The following PRKCI variants were observed in gnomAD, a reference collection of about 807,000 sequenced individuals.
PRKCI encodes the protein protein kinase C iota type.
A neutral mutation model predicts 84.0 loss-of-function variants in PRKCI; 43 were observed. That is an observed-to-expected ratio of 0.51 (90% CI 0.40 to 0.66). The LOEUF (loss-of-function observed/expected upper bound fraction) is 0.66. Ranked by LOEUF, PRKCI falls within the 30% of genes least tolerant of loss-of-function variation. PRKCI has a pLI of 0.00. For missense variants in PRKCI, 459 were observed against 745.6 expected (o/e 0.62, Z 4.48); for synonymous variants, 216 against 234.4 (o/e 0.92, Z 0.72).
At chr3:170,249,351 C>G (rs1733375593) in intron 2 of PRKCI, among the ~76,000 whole-genome samples, 2 of 151,894 alleles carry the variant, frequency 1.3e-5, no homozygotes, top group South Asian at 4.2e-4. Context: ...AGCCAGGATG[C>G]TTATAAAACA....
chr3:170,224,420 A>G (rs1165672502), intron 1 of PRKCI, among the ~76,000 whole-genome samples: 1 of 151,362 alleles, frequency 6.6e-6, no homozygotes, highest in Non-Finnish European at 1.5e-5. Flanking sequence ...ATGGTCAGCC[A>G]TGAACTTTGC....
Position 170,256,049 on chromosome 3 carries a change from G to A in PRKCI, c.224-3920G>A, listed in dbSNP as rs35088166. ...CAAATTCCAGTTGGTCATGATGAAT[G>A]ATCTTTTTAATGTGTTGTTGAATTC... On this transcript the variant is annotated intron_variant, in intron 2 of 17. Coordinates refer to ENST00000295797, the MANE Select transcript of PRKCI (RefSeq NM_002740.6). Among the ~76,000 whole-genome samples the A allele has an allele frequency of 5.6e-3, 859 of 152,170 alleles. 1 individual carries two copies. Among genetic ancestry groups the A allele is most frequent in the Non-Finnish European group, 8.6e-3 (583 of 68,010 alleles).
At chr3:170,279,103 C>CT (rs1218077039) in intron 8 of PRKCI, among the ~76,000 whole-genome samples, 1 of 152,206 alleles carries the variant, frequency 6.6e-6, no homozygotes, top group Admixed American at 6.5e-5. Flanking sequence ...TCACAGCTCA[C>CT]TGCAACCTTG....
intron 4 of PRKCI, among the ~76,000 whole-genome samples, chr3:170,264,367 C>T (rs949116702): frequency 2.0e-5 from 3 of 152,208 alleles, no homozygotes; most frequent in Non-Finnish European, 4.4e-5. Flanking sequence ...GCAACCTTCA[C>T]CTCTGGGGTT....
At chr3:170,235,453 C>G (rs1732945445) in intron 2 of PRKCI, 102 bp downstream of exon 2, 1 of 1,258,088 alleles carries the variant, frequency 7.9e-7, no homozygotes, top group African/African-American at 1.5e-5. Context: ...AGAGGAAAGA[C>G]TATTAGAAAT....
intron 4 of PRKCI, among the ~76,000 whole-genome samples, chr3:170,266,111 A>G (rs1257319806): frequency 6.6e-6 from 1 of 152,182 alleles, no homozygotes; most frequent in Non-Finnish European, 1.5e-5. Context: ...GGATGTTATT[A>G]TTAATGACTA....
chr3:170,290,148 A>G (rs559773205), intron 12 of PRKCI, among the ~76,000 whole-genome samples: 6 of 151,836 alleles, frequency 4.0e-5, no homozygotes, highest in South Asian at 2.1e-4. Context: ...CGTATAATCT[A>G]TAGGAAAGTG....
At chr3:170,248,853 CTT>C (rs35355260) in intron 2 of PRKCI, among the ~76,000 whole-genome samples, 2 of 142,388 alleles carry the variant, frequency 1.4e-5, no homozygotes. Flanking sequence ...TTTTTCTTTT[CTT>C]TTTTTTTTTT....
chr3:170,295,368 T>C (rs958555053), intron 14 of PRKCI, among the ~76,000 whole-genome samples: 1 of 149,854 alleles, frequency 6.7e-6, no homozygotes, highest in African/African-American at 2.5e-5. Flanking sequence ...TACAAAAAAA[T>C]TTAAAATTAG....
At chr3:170,234,486 T>A (rs1732891745) in intron 1 of PRKCI, among the ~76,000 whole-genome samples, 1 of 152,216 alleles carries the variant, frequency 6.6e-6, no homozygotes, top group African/African-American at 2.4e-5. Flanking sequence ...TGGACTTTGA[T>A]AAGGAAGTTA....
chr3:170,239,339 A>G (rs138061864), intron 2 of PRKCI, among the ~76,000 whole-genome samples: 2 of 152,370 alleles, frequency 1.3e-5, no homozygotes, highest in Non-Finnish European at 2.9e-5. Flanking sequence ...CTTCAGCCAG[A>G]AAATGAGACT....
intron 10 of PRKCI, 144 bp downstream of exon 10, chr3:170,281,407 C>T (rs1734241227): frequency 3.2e-6 from 2 of 632,286 alleles, no homozygotes; most frequent in Non-Finnish European, 5.5e-6. Flanking sequence ...GCTAATAATA[C>T]TGCCATCAGT....
At chr3:170,246,522 T>TA (rs1245075083) in intron 2 of PRKCI, among the ~76,000 whole-genome samples, 2 of 151,992 alleles carry the variant, frequency 1.3e-5, no homozygotes, top group East Asian at 3.9e-4. Context: ...TCAAAACTCC[T>TA]AAGCCCAAGT....
At chr3:170,252,864 C>T (rs1733489924) in intron 2 of PRKCI, among the ~76,000 whole-genome samples, 1 of 152,158 alleles carries the variant, frequency 6.6e-6, no homozygotes, top group African/African-American at 2.4e-5. Context: ...TTTGTACCCA[C>T]TCTCCACCAC....
At chr3:170,240,745 C>A (rs1311045844) in intron 2 of PRKCI, among the ~76,000 whole-genome samples, 1 of 152,136 alleles carries the variant, frequency 6.6e-6, no homozygotes, top group East Asian at 1.9e-4. Flanking sequence ...GTTCCTCAAG[C>A]CAAACATTTA....
In PRKCI at chr3:170,303,158, T is replaced by C; in HGVS notation, c.*31T>C. 2 of 1,509,820 alleles carry C rather than the reference T, an allele frequency of 1.3e-6. No homozygotes were observed. The highest frequency in any genetic ancestry group is 1.9e-5 in the Admixed American group (1 of 52,642). The allele number at this position is 1,509,820 out of a possible 1,614,324, so 93.5% of individuals were successfully genotyped here. On this transcript the variant is annotated 3_prime_UTR_variant, in exon 18 of 18. Transcript: ENST00000295797. ...ATTTTTCAACCATGTATTCTACTCA[T>C]GTTGCCATTTAATGCATGGATAAAC...
At chr3:170,296,058 G>A (rs2454763) in intron 15 of PRKCI, 68 bp downstream of exon 15, 151,730 of 886,718 alleles carry the variant, frequency 0.17, 13,866 homozygotes, top group Middle Eastern at 0.19. Flanking sequence ...GGTCAGTAGC[G>A]GTTTGGGAAA....
intron 2 of PRKCI, among the ~76,000 whole-genome samples, chr3:170,245,994 A>G (rs1733274477): frequency 8.6e-6 from 1 of 116,844 alleles, no homozygotes; most frequent in Admixed American, 1.0e-4. Context: ...TTTCTTTGTC[A>G]CCCAGGCTGG....
At chr3:170,280,175 G>A in intron 8 of PRKCI, 52 bp from the exon 9 acceptor site, 4 of 1,474,298 alleles carry the variant, frequency 2.7e-6, no homozygotes, top group African/African-American at 1.4e-5. Flanking sequence ...GAAATATAAT[G>A]TACTACGCAA....
Sources: allele counts gnomAD v4.1 joint callset (sites outside exome capture counted in the v4.1 genomes callset), GRCh38; gene constraint gnomAD v4.1.1; transcripts MANE v1.5; gene names NCBI Gene and HGNC (gene_info 2026-07-23, HGNC 2026-07-21).